ZNF277: variants seen among roughly 807,000 people sequenced by gnomAD.
The protein encoded by ZNF277 is zinc finger protein 277, also known as nuclear receptor-interacting factor 4.
Under a neutral mutation model 60.7 loss-of-function variants are expected in ZNF277, and 55 were observed. That is an observed-to-expected ratio of 0.91 (90% CI 0.73 to 1.13). The LOEUF is 1.13. ZNF277 is among the 50% of genes most tolerant of loss of function. The pLI, the probability that ZNF277 is intolerant of heterozygous loss-of-function variation, is 0.00. For missense variants in ZNF277, 510 were observed against 523.0 expected (o/e 0.98, Z 0.24); for synonymous variants, 178 against 179.3 (o/e 0.99, Z 0.06).
chr7:112,268,509 T>C (rs1157116926), intron 1 of ZNF277, among the ~76,000 whole-genome samples: 3 of 152,142 alleles, frequency 2.0e-5, no homozygotes, highest in African/African-American at 7.2e-5. Context: ...TGAGATCATT[T>C]GGTAAACACT....
intron 4 of ZNF277, among the ~76,000 whole-genome samples, chr7:112,300,900 G>A (rs1792457170): frequency 1.3e-5 from 2 of 151,562 alleles, no homozygotes; most frequent in African/African-American, 4.9e-5. Flanking sequence ...ATCCTACCAG[G>A]TCCAGCTGAG....
chr7:112,256,928 A>T (rs535883880), intron 1 of ZNF277, among the ~76,000 whole-genome samples: 33 of 152,236 alleles, frequency 2.2e-4, no homozygotes, highest in Non-Finnish European at 4.4e-4. Flanking sequence ...AAAAGTGGCT[A>T]GAACTGGGAA....
At chr7:112,337,919 CA>C in intron 9 of ZNF277, 93 bp downstream of exon 9, 1 of 1,051,792 alleles carries the variant, frequency 9.5e-7, no homozygotes, top group Non-Finnish European at 1.4e-6. Context: ...TTCAGTTTCC[CA>C]ATCATTATTC....
chr7:112,274,000 G>A (rs912412145), intron 1 of ZNF277, among the ~76,000 whole-genome samples: 1 of 151,116 alleles, frequency 6.6e-6, no homozygotes, highest in Non-Finnish European at 1.5e-5. Flanking sequence ...TTTTCAAATC[G>A]AGTCTTGCTT....
Position 112,320,347 on chromosome 7 carries a change from A to G in ZNF277, c.557+2074A>G, listed in dbSNP as rs529635441. Among the ~76,000 whole-genome samples the G allele has an allele frequency of 1.2e-4, 18 of 152,112 alleles. 1 individual carries two copies. The highest frequency in any genetic ancestry group is 2.2e-4 in the Non-Finnish European group (15 of 67,992). Reference sequence around the variant, plus strand: ...TTTTTTAAAATAACCAGTGAGAAAGATAAATAGTGTCTAGTTCTTATAAAA... The same window carrying G: ...TTTTTTAAAATAACCAGTGAGAAAGGTAAATAGTGTCTAGTTCTTATAAAA... On this transcript the variant is annotated intron_variant, in intron 5 of 11. Transcript: ENST00000361822.
intron 1 of ZNF277, among the ~76,000 whole-genome samples, chr7:112,221,944 T>G (rs1822042286): frequency 6.6e-6 from 1 of 152,376 alleles, no homozygotes; most frequent in East Asian, 1.9e-4. Context: ...TCTCCACATC[T>G]ATGGAGTCAT....
chr7:112,282,069 G>A (rs925697792), intron 1 of ZNF277, among the ~76,000 whole-genome samples: 18 of 152,148 alleles, frequency 1.2e-4, no homozygotes, highest in African/African-American at 2.9e-4. Context: ...CTGACCTTGC[G>A]ATCTGCCTAC....
rs576135984 is a variant in ZNF277 at position 112,266,180 on chromosome 7, C to G, written c.92-20693C>G. On this transcript the variant is annotated intron_variant, in intron 1 of 11. Coordinates refer to ENST00000361822, the MANE Select transcript of ZNF277 (RefSeq NM_021994.3). ...TTTTTTTGACGGAGTCTCACTCACT[C>G]TGTCACCCAGGCTGGAGTGTAGTGG... Among the ~76,000 whole-genome samples the G allele has an allele frequency of 1.1e-3, 161 of 152,026 alleles. 2 individuals carry two copies. Among genetic ancestry groups the G allele is most frequent in the African/African-American group, 3.6e-3 (149 of 41,486 alleles).
In ZNF277 at chr7:112,221,983, T is replaced by C. The variant is rs528692244; in HGVS notation, c.91+15176T>C. Among the ~76,000 whole-genome samples the C allele has an allele frequency of 3.3e-5, 5 of 152,368 alleles. No individual in the cohort carries two copies. The East Asian group carries it at 7.7e-4, about 23-fold the overall frequency. The stretch of plus-strand genomic sequence containing the variant: ...TTTTTTGTCCTTCATCCTATTAACA[T>C]GGTTTATCACATTTATAGAGTCATG... On this transcript the variant is annotated intron_variant, in intron 1 of 11. Coordinates refer to ENST00000361822, the MANE Select transcript of ZNF277 (RefSeq NM_021994.3).
intron 1 of ZNF277, among the ~76,000 whole-genome samples, chr7:112,230,922 C>A (rs904250536): frequency 6.6e-6 from 1 of 152,080 alleles, no homozygotes; most frequent in Non-Finnish European, 1.5e-5. Flanking sequence ...TCTTTAAAAT[C>A]GTGTGTTTGT....
intron 1 of ZNF277, among the ~76,000 whole-genome samples, chr7:112,263,125 A>T (rs1387164572): frequency 6.6e-6 from 1 of 152,190 alleles, no homozygotes; most frequent in Non-Finnish European, 1.5e-5. Context: ...TGTGAAACAG[A>T]AAGCTGGATT....
intron 1 of ZNF277, among the ~76,000 whole-genome samples, chr7:112,240,304 G>C (rs1329712687): frequency 6.6e-6 from 1 of 152,086 alleles, no homozygotes; most frequent in African/African-American, 2.4e-5. Context: ...CACAGCAAAG[G>C]GGTGGTTAAT....
chr7:112,298,266 A>ACCTGG (rs1792397999), intron 4 of ZNF277, among the ~76,000 whole-genome samples: 1 of 152,152 alleles, frequency 6.6e-6, no homozygotes, highest in South Asian at 2.1e-4. Flanking sequence ...TTAGAACACT[A>ACCTGG]CCTGGCACAT....
chr7:112,309,294 G>A (rs1211653610), intron 4 of ZNF277, among the ~76,000 whole-genome samples: 2 of 151,952 alleles, frequency 1.3e-5, no homozygotes, highest in Non-Finnish European at 2.9e-5. Context: ...ATACTGACTG[G>A]AAGAAAGACA....
chr7:112,214,564 C>T (rs1281996984), intron 1 of ZNF277, among the ~76,000 whole-genome samples: 1 of 152,182 alleles, frequency 6.6e-6, no homozygotes, highest in Admixed American at 6.5e-5. Flanking sequence ...TTACTTCTCA[C>T]TGATCATCTT....
rs115313684 is a variant in ZNF277 at position 112,286,797 on chromosome 7, G to A, written c.92-76G>A. 1.5e-3 allele frequency: 1,888 copies of A among 1,248,126 alleles called. 30 individuals carry two copies. The African/African-American group carries it at 0.026, about 17-fold the overall frequency. The allele number at this position is 1,248,126 out of a possible 1,614,324, so 77.3% of individuals were successfully genotyped here. Reference sequence around the variant, plus strand: ...TAGGATCTTTTTAATGCAGGAGGTGGGAAATCATCCATATGAAGAGTTGGT... The same window carrying A: ...TAGGATCTTTTTAATGCAGGAGGTGAGAAATCATCCATATGAAGAGTTGGT... On this transcript the variant is annotated intron_variant, in intron 1 of 11. Coordinates refer to ENST00000361822, the MANE Select transcript of ZNF277 (RefSeq NM_021994.3).
chr7:112,240,768 T>G (rs754918380), intron 1 of ZNF277, among the ~76,000 whole-genome samples: 5 of 152,176 alleles, frequency 3.3e-5, no homozygotes, highest in Non-Finnish European at 7.4e-5. Context: ...GGACAGTTTC[T>G]TCAACAAATG....
At chr7:112,243,638 A>T (rs1791011774) in intron 1 of ZNF277, among the ~76,000 whole-genome samples, 1 of 152,104 alleles carries the variant, frequency 6.6e-6, no homozygotes, top group African/African-American at 2.4e-5. Flanking sequence ...ACCATCTTAC[A>T]AGAGTCAGGA....
At chr7:112,215,877 TC>T (rs1490442034) in intron 1 of ZNF277, among the ~76,000 whole-genome samples, 1 of 152,260 alleles carries the variant, frequency 6.6e-6, no homozygotes, top group African/African-American at 2.4e-5. Flanking sequence ...TTTAACACAG[TC>T]TTCTGTTATG....
Sources: gnomAD v4.1 joint callset for allele counts (sites outside exome capture counted in the v4.1 genomes callset) on GRCh38, gnomAD v4.1.1 for gene constraint, MANE v1.5 for transcripts, NCBI Gene and HGNC (gene_info 2026-07-23, HGNC 2026-07-21) for gene names.